INPP4B: variants seen among roughly 807,000 people sequenced by gnomAD.
The protein encoded by INPP4B is inositol polyphosphate-4-phosphatase type II B, also known as inositol polyphosphate 4-phosphatase type II.
Under a neutral mutation model 122.5 loss-of-function variants are expected in INPP4B, and 55 were observed. The ratio of observed to expected loss-of-function variants is 0.45; its 90% CI spans 0.36 to 0.56. INPP4B has a LOEUF of 0.56. Ranked by LOEUF, INPP4B falls within the 20% of genes least tolerant of loss-of-function variation. The probability of loss-of-function intolerance (pLI) is 0.00; values close to 1 mark genes in which losing one functional copy is unlikely to be tolerated. For synonymous variants in INPP4B, 403 were observed against 388.7 expected, an observed-to-expected ratio of 1.04 and a Z score of -0.43; for missense variants, 1,000 against 1,097.7, an observed-to-expected ratio of 0.91 and a Z score of 1.26.
At chr4:142,312,033 C>T (rs974225223) in intron 8 of INPP4B, among the ~76,000 whole-genome samples, 3 of 152,280 alleles carry the variant, frequency 2.0e-5, no homozygotes, top group East Asian at 3.9e-4. Context: ...CAGTTTGTCA[C>T]GTTACTTGCC....
At chr4:142,598,931 T>C (rs1483953566) in intron 2 of INPP4B, among the ~76,000 whole-genome samples, 1 of 152,184 alleles carries the variant, frequency 6.6e-6, no homozygotes, top group East Asian at 1.9e-4. Context: ...AGTGCACCCT[T>C]GCTGGTTGCA....
chr4:142,187,669 C>G (rs1344001773), intron 15 of INPP4B, among the ~76,000 whole-genome samples: 1 of 152,038 alleles, frequency 6.6e-6, no homozygotes, highest in East Asian at 1.9e-4. Flanking sequence ...TCTTGGCTCA[C>G]TGCAACCTCC....
intron 25 of INPP4B, among the ~76,000 whole-genome samples, chr4:142,055,430 A>G (rs1757092104): frequency 6.6e-6 from 1 of 152,092 alleles, no homozygotes; most frequent in South Asian, 2.1e-4. Context: ...TTCATAAAGT[A>G]AAGCAGGTCA....
At chr4:142,638,644 C>T (rs527286299) in intron 2 of INPP4B, among the ~76,000 whole-genome samples, 9 of 151,068 alleles carry the variant, frequency 6.0e-5, no homozygotes, top group East Asian at 2.0e-4. Flanking sequence ...CCCAGGTTCA[C>T]GCCATTCTCC....
intron 2 of INPP4B, among the ~76,000 whole-genome samples, chr4:142,681,814 C>A (rs1482779586): frequency 2.0e-5 from 3 of 151,882 alleles, no homozygotes; most frequent in African/African-American, 7.2e-5. Context: ...TTCAACATGA[C>A]AAATTGTATT....
At chr4:142,297,195 C>T (rs993846988) in intron 9 of INPP4B, among the ~76,000 whole-genome samples, 3 of 152,194 alleles carry the variant, frequency 2.0e-5, no homozygotes, top group African/African-American at 7.2e-5. Context: ...AAATTGCTGT[C>T]CATATTTCTT....
At chr4:142,500,954 A>G (rs769317493) in intron 2 of INPP4B, among the ~76,000 whole-genome samples, 7 of 152,184 alleles carry the variant, frequency 4.6e-5, no homozygotes, top group Non-Finnish European at 8.8e-5. Flanking sequence ...GATCTGCCAT[A>G]CAATATTCTG....
At chr4:142,335,089 G>T (rs577575174) in intron 7 of INPP4B, among the ~76,000 whole-genome samples, 2 of 125,178 alleles carry the variant, frequency 1.6e-5, no homozygotes, top group African/African-American at 6.3e-5. Context: ...TGCTCTGTCT[G>T]CTACTTCCTG....
chr4:142,203,550 T>C (rs1189296777), intron 14 of INPP4B, among the ~76,000 whole-genome samples: 1 of 152,116 alleles, frequency 6.6e-6, no homozygotes, highest in Non-Finnish European at 1.5e-5. Context: ...TTGTCACTGC[T>C]GGCTAAGATC....
chr4:142,683,055 G>A (rs1358084181), intron 2 of INPP4B, among the ~76,000 whole-genome samples: 1 of 151,812 alleles, frequency 6.6e-6, no homozygotes, highest in Non-Finnish European at 1.5e-5. Flanking sequence ...CTCAGCTGAA[G>A]CTTGTCTTAT....
At chr4:142,483,927 G>T (rs1820897877) in intron 2 of INPP4B, among the ~76,000 whole-genome samples, 1 of 152,024 alleles carries the variant, frequency 6.6e-6, no homozygotes, top group Admixed American at 6.6e-5. Context: ...ATGTTGGTGA[G>T]AGAGAAGTTG....
At chr4:142,834,595 C>T (rs957387856) in intron 1 of INPP4B, among the ~76,000 whole-genome samples, 7 of 152,108 alleles carry the variant, frequency 4.6e-5, no homozygotes, top group Admixed American at 6.6e-5. Flanking sequence ...AAAATCTTCT[C>T]ATTTTTTATT....
Position 142,028,522 on chromosome 4 carries a change from A to AATC in INPP4B, c.*257_*259dup, listed in dbSNP as rs1342464177. On this transcript the variant is annotated 3_prime_UTR_variant, in exon 26 of 26. Transcript: ENST00000262992. Reference sequence around the variant, plus strand: ...GAATGAAATTTACACTTTGTGAACCAATCTCAATCAGCTAGGCTCAACACA... The same window carrying AATC: ...GAATGAAATTTACACTTTGTGAACCAATCATCTCAATCAGCTAGGCTCAACACA... 4.8e-6 allele frequency: 2 copies of AATC among 419,710 alleles called. No individual in the cohort carries two copies. Among genetic ancestry groups the AATC allele is most frequent in the African/African-American group, 2.0e-5 (1 of 49,986 alleles). 26.0% of individuals were successfully genotyped at this position (419,710 alleles called of 1,614,324 possible).
intron 2 of INPP4B, among the ~76,000 whole-genome samples, chr4:142,572,560 C>T (rs905747039): frequency 2.0e-5 from 3 of 151,974 alleles, no homozygotes; most frequent in African/African-American, 7.2e-5. Context: ...GACTTTAATT[C>T]TCAGTTTGTA....
chr4:142,823,058 C>T lies in INPP4B; in HGVS notation c.-254+23151G>A, dbSNP rs139858262. Among the ~76,000 whole-genome samples, 34 of 152,222 alleles carry T rather than the reference C, an allele frequency of 2.2e-4. No individual in the cohort carries two copies. In the East Asian group the frequency reaches 5.2e-3, roughly 23 times the overall value. ...AACAAAAGAGCTCTGGAGGGTGACA[C>T]ACTGGCAGTAAAATGCTCAGGTAAA... On this transcript the variant is annotated intron_variant, in intron 1 of 25. Coordinates refer to ENST00000262992, the MANE Select transcript of INPP4B (RefSeq NM_001101669.3).
intron 2 of INPP4B, among the ~76,000 whole-genome samples, chr4:142,643,823 A>AT (rs989682740): frequency 7.9e-5 from 12 of 152,302 alleles, no homozygotes; most frequent in African/African-American, 2.6e-4. Flanking sequence ...GCTGAATGGC[A>AT]TTTTTCCATT....
intron 7 of INPP4B, among the ~76,000 whole-genome samples, chr4:142,362,774 G>C (rs942936775): frequency 5.3e-5 from 8 of 151,986 alleles, no homozygotes; most frequent in Admixed American, 1.3e-4. Context: ...TCATAAGTGG[G>C]TGCTAAGCAT....
chr4:142,706,665 T>C (rs946908808), intron 2 of INPP4B, among the ~76,000 whole-genome samples: 2 of 152,148 alleles, frequency 1.3e-5, no homozygotes, highest in Non-Finnish European at 2.9e-5. Flanking sequence ...CAAAAATAAA[T>C]CCCATTGGCT....
chr4:142,171,088 T>C (rs1452351253), intron 16 of INPP4B, among the ~76,000 whole-genome samples: 1 of 151,736 alleles, frequency 6.6e-6, no homozygotes, highest in Admixed American at 6.6e-5. Context: ...TAATTGATAA[T>C]GATTTCATGG....
Sources: gnomAD v4.1 joint callset for allele counts (sites outside exome capture counted in the v4.1 genomes callset) on GRCh38, gnomAD v4.1.1 for gene constraint, MANE v1.5 for transcripts, NCBI Gene and HGNC (gene_info 2026-07-23, HGNC 2026-07-21) for gene names.